TBC1D22A: variants seen among roughly 807,000 people sequenced by gnomAD.
TBC1D22A encodes putative GTPase activator.
TBC1D22A carries 38 observed loss-of-function variants against 60.2 expected under a neutral mutation model. The ratio of observed to expected loss-of-function variants is 0.63; its 90% CI spans 0.49 to 0.83. The LOEUF is 0.83. Ranked by LOEUF, TBC1D22A falls within the 40% of genes least tolerant of loss-of-function variation. The probability of loss-of-function intolerance (pLI) is 0.00; values close to 1 mark genes in which losing one functional copy is unlikely to be tolerated. For missense variants in TBC1D22A, 628 were observed against 701.0 expected (o/e 0.90, Z 1.18); for synonymous variants, 302 against 281.7 (o/e 1.07, Z -0.72).
intron 11 of TBC1D22A, among the ~76,000 whole-genome samples, chr22:47,060,787 T>G (rs367845468): frequency 6.6e-6 from 1 of 152,008 alleles, no homozygotes; most frequent in Non-Finnish European, 1.5e-5. Flanking sequence ...TTTAGCGGAG[T>G]CAGTCCAGCA....
chr22:47,001,369 G>A (rs1475114442), intron 10 of TBC1D22A, among the ~76,000 whole-genome samples: 1 of 145,638 alleles, frequency 6.9e-6, no homozygotes, highest in Non-Finnish European at 1.5e-5. Context: ...ACATGAACCC[G>A]GGAGGCGGAG....
intron 1 of TBC1D22A, among the ~76,000 whole-genome samples, chr22:46,764,899 T>A (rs1485108788): frequency 6.6e-6 from 1 of 152,218 alleles, no homozygotes; most frequent in Non-Finnish European, 1.5e-5. Flanking sequence ...TTTTGGGTTT[T>A]TGGCGTTTAA....
chr22:46,851,581 G>T (rs904735624), intron 4 of TBC1D22A, among the ~76,000 whole-genome samples: 3 of 152,262 alleles, frequency 2.0e-5, no homozygotes, highest in African/African-American at 7.2e-5. Flanking sequence ...GGTCCTGGCT[G>T]TTCTGCCCGG....
At chr22:47,037,253 C>G in intron 11 of TBC1D22A, 55 bp downstream of exon 11, 3 of 1,603,214 alleles carry the variant, frequency 1.9e-6, no homozygotes, top group South Asian at 2.2e-5. Flanking sequence ...CGGGCCGTTT[C>G]CTGTCGCCTT....
At chr22:47,160,987 C>T (rs2067959917) in intron 12 of TBC1D22A, among the ~76,000 whole-genome samples, 1 of 152,106 alleles carries the variant, frequency 6.6e-6, no homozygotes, top group Non-Finnish European at 1.5e-5. Context: ...TTTCTCAGTT[C>T]TAGAAAAACT....
chr22:47,013,220 T>G (rs2061808883), intron 10 of TBC1D22A, among the ~76,000 whole-genome samples: 1 of 152,046 alleles, frequency 6.6e-6, no homozygotes, highest in Non-Finnish European at 1.5e-5. Flanking sequence ...GCTGCTCAAG[T>G]GTGGAGTGTG....
rs377069871 is a variant in TBC1D22A, at chr22:46,905,654, C to T, written c.901-6420C>T. ...CTGAGTGGGTCTCTCAAGGCGGACA[C>T]GCGAGGGCCAGCGGTCCCAGAAGTT... On this transcript the variant is annotated intron_variant, in intron 7 of 12. Transcript: ENST00000337137. Among the ~76,000 whole-genome samples, 5 of 152,288 alleles carry T rather than the reference C, an allele frequency of 3.3e-5. No individual in the cohort carries two copies. The East Asian group carries it at 5.8e-4, about 18-fold the overall frequency.
At chr22:47,163,416 G>A (rs929268115) in intron 12 of TBC1D22A, among the ~76,000 whole-genome samples, 2 of 152,252 alleles carry the variant, frequency 1.3e-5, no homozygotes, top group Non-Finnish European at 2.9e-5. Flanking sequence ...GAAACCAAAG[G>A]TCCCTGGTTG....
intron 10 of TBC1D22A, among the ~76,000 whole-genome samples, chr22:46,998,376 A>T (rs977396300): frequency 1.3e-5 from 2 of 152,168 alleles, no homozygotes; most frequent in Non-Finnish European, 2.9e-5. Flanking sequence ...AGTGATGCCA[A>T]GCAGAACCGG....
At chr22:47,014,175 C>G (rs1432443235) in intron 10 of TBC1D22A, among the ~76,000 whole-genome samples, 2 of 152,238 alleles carry the variant, frequency 1.3e-5, no homozygotes, top group African/African-American at 2.4e-5. Flanking sequence ...CGGGCTACCC[C>G]TGGCTTTCTG....
chr22:47,009,535 TCA>T lies in TBC1D22A; in HGVS notation c.1201+11827_1201+11828del, dbSNP rs2061691432. Among the ~76,000 whole-genome samples the T allele has an allele frequency of 2.0e-5, 3 of 150,804 alleles. No individual in the cohort carries two copies. The highest frequency in any genetic ancestry group is 7.3e-5 in the African/African-American group (3 of 40,926). ...ATCATCTTCACCATCACCATCATCA[TCA>T]TTGCCATCATCACCATCATTACGTC... On this transcript the variant is annotated intron_variant, in intron 10 of 12. Coordinates refer to ENST00000337137, the MANE Select transcript of TBC1D22A (RefSeq NM_014346.5). The surrounding 1 kb of genome is among the most constrained non-coding windows in gnomAD (Gnocchi z 5.8).
intron 11 of TBC1D22A, among the ~76,000 whole-genome samples, chr22:47,072,879 G>A (rs910995842): frequency 5.9e-5 from 9 of 152,242 alleles, no homozygotes; most frequent in Non-Finnish European, 1.2e-4. Context: ...GGGAGGGCCC[G>A]CATGGAGCCT....
At chr22:46,816,515 G>A (rs1456097493) in intron 4 of TBC1D22A, among the ~76,000 whole-genome samples, 1 of 152,222 alleles carries the variant, frequency 6.6e-6, no homozygotes, top group East Asian at 1.9e-4. Flanking sequence ...AGTCCCATCA[G>A]AAGTCAGCCC....
At chr22:46,915,933 C>G in intron 8 of TBC1D22A, 1 of 446,574 alleles carries the variant, frequency 2.2e-6, no homozygotes, top group African/African-American at 2.0e-5. Flanking sequence ...ACTCAGAGCC[C>G]TCTCAGTGTT....
chr22:46,904,397 C>T (rs1037811307), intron 7 of TBC1D22A, among the ~76,000 whole-genome samples: 8 of 152,062 alleles, frequency 5.3e-5, no homozygotes, highest in Admixed American at 1.3e-4. Flanking sequence ...GGGTAACCCT[C>T]GGCAATACCA....
At chr22:46,982,424 A>G (rs916477432) in intron 9 of TBC1D22A, among the ~76,000 whole-genome samples, 1 of 152,006 alleles carries the variant, frequency 6.6e-6, no homozygotes, top group African/African-American at 2.4e-5. Flanking sequence ...GGGTTTCACC[A>G]TGTTGGCCAG....
intron 12 of TBC1D22A, among the ~76,000 whole-genome samples, chr22:47,121,265 G>C (rs2066262631): frequency 6.6e-6 from 1 of 152,254 alleles, no homozygotes; most frequent in South Asian, 2.1e-4. Context: ...AAGCAGGCAT[G>C]CTGTTTCATT....
At chr22:46,912,619 C>T (rs58135478) in intron 8 of TBC1D22A, among the ~76,000 whole-genome samples, 13,069 of 152,138 alleles carry the variant, frequency 0.086, 1,055 homozygotes, top group African/African-American at 0.21. Context: ...TATAGTGGCA[C>T]GATATCGGCT....
chr22:46,797,423 C>G, intron 3 of TBC1D22A, 21 bp from the exon 4 acceptor site: 1 of 1,611,858 alleles, frequency 6.2e-7, no homozygotes, highest in Non-Finnish European at 8.5e-7. Flanking sequence ...CACCCTCACC[C>G]CCATTCTCTC....
Sources: allele counts gnomAD v4.1 joint callset (sites outside exome capture counted in the v4.1 genomes callset), GRCh38; gene constraint gnomAD v4.1.1; non-coding constraint Gnocchi (gnomAD v3.1); transcripts MANE v1.5; gene names NCBI Gene and HGNC (gene_info 2026-07-23, HGNC 2026-07-21).